Variants in ASH1L observed in about 807,000 individuals in gnomAD.
The protein encoded by ASH1L is histone-lysine N-methyltransferase ASH1L.
In ASH1L, 23 loss-of-function variants were observed where a neutral mutation model predicts 269.0. The observed-to-expected ratio is 0.09, with a 90% CI of 0.06 to 0.12. ASH1L has a LOEUF of 0.12. Ranked by LOEUF, ASH1L falls within the 10% of genes least tolerant of loss-of-function variation. The pLI is 1.00. For missense variants in ASH1L, 2,912 were observed against 3,567.8 expected (o/e 0.82, Z 4.68); for synonymous variants, 1,187 against 1,253.5 (o/e 0.95, Z 1.12).
At chr1:155,499,758 G>A (rs777406547) in intron 2 of ASH1L, among the ~76,000 whole-genome samples, 6 of 152,092 alleles carry the variant, frequency 3.9e-5, no homozygotes, top group Non-Finnish European at 8.8e-5. Context: ...AGCAGTATAC[G>A]AATTAGTGAG....
chr1:155,526,172 C>A (rs1434907745), intron 1 of ASH1L, among the ~76,000 whole-genome samples: 2 of 152,152 alleles, frequency 1.3e-5, no homozygotes, highest in East Asian at 3.8e-4. Context: ...ACCCCAGCAG[C>A]TGAAACAATG....
At chr1:155,357,133 TAAAAAAA>T (rs1225525650) in intron 15 of ASH1L, among the ~76,000 whole-genome samples, 176 bp downstream of exon 15, 1 of 22,470 alleles carries the variant, frequency 4.5e-5, no homozygotes, top group African/African-American at 1.5e-4. Context: ...GGGTAAGACT[TAAAAAAA>T]AAAAAAAAAA....
intron 1 of ASH1L, among the ~76,000 whole-genome samples, chr1:155,521,824 T>C (rs1017862867): frequency 1.3e-5 from 2 of 152,184 alleles, no homozygotes; most frequent in African/African-American, 4.8e-5. Flanking sequence ...TCTACAGATA[T>C]CATAAACAAG....
intron 4 of ASH1L, among the ~76,000 whole-genome samples, chr1:155,447,896 T>C (rs1663155567): frequency 1.3e-5 from 2 of 152,238 alleles, no homozygotes. Context: ...TTTGTTTGGC[T>C]GCCTGTGCCT....
At chr1:155,430,254 G>A (rs1661501640) in intron 5 of ASH1L, among the ~76,000 whole-genome samples, 1 of 152,116 alleles carries the variant, frequency 6.6e-6, no homozygotes, top group South Asian at 2.1e-4. Context: ...GGGACTACAG[G>A]TGTGAGCCAC....
At chr1:155,374,910 G>C (rs900104880) in intron 10 of ASH1L, among the ~76,000 whole-genome samples, 14 of 152,148 alleles carry the variant, frequency 9.2e-5, no homozygotes, top group African/African-American at 2.9e-4. Context: ...CAACCTCCAG[G>C]CTCAAGCGAT....
chr1:155,497,234 T>C (rs1019457596), intron 2 of ASH1L, among the ~76,000 whole-genome samples: 1 of 152,234 alleles, frequency 6.6e-6, no homozygotes, highest in African/African-American at 2.4e-5. Flanking sequence ...TCCATGTTCA[T>C]GGAAGCATTA....
At chr1:155,513,816 T>C (rs1246229633) in intron 2 of ASH1L, among the ~76,000 whole-genome samples, 1 of 152,022 alleles carries the variant, frequency 6.6e-6, no homozygotes, top group Non-Finnish European at 1.5e-5. Context: ...TCTAGTAAAA[T>C]ACTACCCAGA....
At chr1:155,523,043 G>A (rs542968215) in intron 1 of ASH1L, among the ~76,000 whole-genome samples, 2 of 152,250 alleles carry the variant, frequency 1.3e-5, no homozygotes, top group South Asian at 4.2e-4. Flanking sequence ...CAGTATTCTT[G>A]AAGACTGACA....
intron 2 of ASH1L, among the ~76,000 whole-genome samples, chr1:155,490,735 T>A (rs1666718205): frequency 6.6e-6 from 1 of 151,476 alleles, no homozygotes; most frequent in South Asian, 2.1e-4. Context: ...GGCAGGAGGA[T>A]TACTTGAACC....
chr1:155,445,832 T>G (rs1472477333), intron 4 of ASH1L, among the ~76,000 whole-genome samples: 1 of 152,098 alleles, frequency 6.6e-6, no homozygotes, highest in Non-Finnish European at 1.5e-5. Flanking sequence ...TTTTTGTGAT[T>G]TAATTTTAAT....
chr1:155,366,919 G>A (rs988731889), intron 12 of ASH1L, among the ~76,000 whole-genome samples: 1 of 150,842 alleles, frequency 6.6e-6, no homozygotes, highest in Non-Finnish European at 1.5e-5. Flanking sequence ...CAGGCAATCT[G>A]TGCATCTTGG....
At chr1:155,510,411 CAAAA>C (rs1161549080) in intron 2 of ASH1L, among the ~76,000 whole-genome samples, 8 of 40,950 alleles carry the variant, frequency 2.0e-4, no homozygotes, top group African/African-American at 3.3e-4. Flanking sequence ...AAGGCTGCCT[CAAAA>C]AAAAAAAAAA....
At chr1:155,358,654 C>G (rs866153171) in intron 13 of ASH1L, 1 of 150,766 alleles carries the variant, frequency 6.6e-6, no homozygotes, top group Non-Finnish European at 1.5e-5. Context: ...CGCCACTGCA[C>G]TCTAGCCTGG....
intron 6 of ASH1L, among the ~76,000 whole-genome samples, chr1:155,411,590 T>TAAATAA (rs1558075695): frequency 5.0e-4 from 9 of 18,170 alleles, no homozygotes; most frequent in Admixed American, 4.3e-3. Flanking sequence ...TAAATAAATA[T>TAAATAA]ATATATATAT....
intron 7 of ASH1L, among the ~76,000 whole-genome samples, chr1:155,385,760 A>G (rs6659913): frequency 0.056 from 8,470 of 152,242 alleles, 789 homozygotes; most frequent in African/African-American, 0.2. Flanking sequence ...CTGCTCCAGC[A>G]GAAAAGGGAT....
At chr1:155,411,585 A>AT (rs1491484559) in intron 6 of ASH1L, among the ~76,000 whole-genome samples, 1,355 of 30,082 alleles carry the variant, frequency 0.045, 25 homozygotes, top group African/African-American at 0.058. Context: ...ATAAATAAAT[A>AT]AATATATATA....
chr1:155,555,174 C>T (rs1671501191), intron 1 of ASH1L, among the ~76,000 whole-genome samples: 1 of 149,436 alleles, frequency 6.7e-6, no homozygotes, highest in African/African-American at 2.5e-5. Context: ...AAAGTCTGAC[C>T]TACAGTTATT....
intron 2 of ASH1L, among the ~76,000 whole-genome samples, chr1:155,484,723 G>C (rs1202221327): frequency 6.6e-6 from 1 of 151,306 alleles, no homozygotes; most frequent in African/African-American, 2.4e-5. Flanking sequence ...GAGGTCAGGA[G>C]TTTGAGACCA....
Sources: gnomAD v4.1 joint callset for allele counts (sites outside exome capture counted in the v4.1 genomes callset) on GRCh38, gnomAD v4.1.1 for gene constraint, MANE v1.5 for transcripts, NCBI Gene and HGNC (gene_info 2026-07-23, HGNC 2026-07-21) for gene names.